The following CDC42 variants were observed in gnomAD, a reference collection of about 807,000 sequenced individuals.
CDC42 encodes the protein cell division cycle 42.
In CDC42, 1 loss-of-function variant was observed where a neutral mutation model predicts 20.8. The ratio of observed to expected loss-of-function variants is 0.05; its 90% CI spans 0.02 to 0.23. The LOEUF is 0.23. Ranked by LOEUF, CDC42 falls within the 10% of genes least tolerant of loss-of-function variation. The probability of loss-of-function intolerance (pLI) is 1.00; values close to 1 mark genes in which losing one functional copy is unlikely to be tolerated. For missense variants in CDC42, 49 were observed against 227.9 expected (o/e 0.21, Z 5.05); for synonymous variants, 72 against 84.8 (o/e 0.85, Z 0.83).
At chr1:22,058,433 C>A (rs1557891875) in intron 1 of CDC42, among the ~76,000 whole-genome samples, 1 of 151,696 alleles carries the variant, frequency 6.6e-6, no homozygotes, top group Non-Finnish European at 1.5e-5. Context: ...CTGCCTATTA[C>A]GTAGAATTGC....
At chr1:22,054,056 G>A (rs368759307) in intron 1 of CDC42, among the ~76,000 whole-genome samples, 3 of 152,108 alleles carry the variant, frequency 2.0e-5, no homozygotes, top group Admixed American at 6.6e-5. Flanking sequence ...TGATTCAAGT[G>A]CACTTTTTGT....
intron 1 of CDC42, among the ~76,000 whole-genome samples, chr1:22,077,952 C>T (rs985608841): frequency 6.6e-6 from 1 of 152,186 alleles, no homozygotes; most frequent in African/African-American, 2.4e-5. Context: ...GTGTGGTGCT[C>T]TGCTGCTTGT....
chr1:22,090,062 G>A, intron 5 of CDC42: 1 of 1,610,596 alleles, frequency 6.2e-7, no homozygotes, highest in Non-Finnish European at 8.5e-7. Context: ...CTTTGCTGCT[G>A]CTTCCTGTCC....
At chr1:22,088,631 G>T (rs917769515) in intron 5 of CDC42, among the ~76,000 whole-genome samples, 9 of 152,166 alleles carry the variant, frequency 5.9e-5, no homozygotes, top group Admixed American at 1.3e-4. Context: ...GATTAGTTTT[G>T]TTTCATAGAG....
intron 1 of CDC42, among the ~76,000 whole-genome samples, chr1:22,063,846 G>A (rs990740863): frequency 2.6e-5 from 4 of 151,880 alleles, no homozygotes; most frequent in Non-Finnish European, 4.4e-5. Flanking sequence ...TCAGCCTCCC[G>A]AGTAGCTGGG....
chr1:22,057,318 T>C (rs1569951349), intron 1 of CDC42, among the ~76,000 whole-genome samples: 2 of 152,346 alleles, frequency 1.3e-5, no homozygotes, highest in South Asian at 4.1e-4. Flanking sequence ...AGAAGCTGTG[T>C]TTCTCTCAAA....
intron 2 of CDC42, 39 bp downstream of exon 2, chr1:22,078,622 A>G (rs1315999597): frequency 6.4e-7 from 1 of 1,566,594 alleles, no homozygotes; most frequent in African/African-American, 1.4e-5. Flanking sequence ...AAAATGTTGT[A>G]AAATTTGATA....
intron 5 of CDC42, among the ~76,000 whole-genome samples, chr1:22,089,624 T>A (rs1257110273): frequency 6.6e-6 from 1 of 152,250 alleles, no homozygotes; most frequent in African/African-American, 2.4e-5. Flanking sequence ...GCTATTTGTG[T>A]CCTTCAGTTA....
At chr1:22,079,092 A>G (rs1163973624) in intron 2 of CDC42, among the ~76,000 whole-genome samples, 3 of 151,308 alleles carry the variant, frequency 2.0e-5, no homozygotes, top group Admixed American at 1.3e-4. Context: ...GAGAACACCA[A>G]CAGAGTCCTT....
chr1:22,059,195 G>A (rs1197109070), intron 1 of CDC42: 4 of 149,444 alleles, frequency 2.7e-5, no homozygotes, highest in Admixed American at 1.3e-4. Flanking sequence ...GCGCAATCTC[G>A]GCTCACCGCA....
chr1:22,085,000 G>A (rs1258229936), intron 3 of CDC42, among the ~76,000 whole-genome samples: 1 of 152,070 alleles, frequency 6.6e-6, no homozygotes, highest in African/African-American at 2.4e-5. Flanking sequence ...GGGAGGCTGA[G>A]GTGGGCAGAT....
intron 3 of CDC42, among the ~76,000 whole-genome samples, chr1:22,082,805 A>G (rs184499020): frequency 4.6e-5 from 7 of 152,254 alleles, no homozygotes; most frequent in Admixed American, 3.9e-4. Context: ...AGAGAAAACA[A>G]TGACCCATAA....
intron 1 of CDC42, among the ~76,000 whole-genome samples, chr1:22,067,116 T>G (rs147377469): frequency 1.3e-5 from 2 of 152,034 alleles, no homozygotes; most frequent in Admixed American, 1.3e-4. Flanking sequence ...GAACGGAGCA[T>G]GAGAAGGTTT....
Position 22,098,931 on chromosome 1 carries a change from G to T in CDC42, c.*7414G>T, listed in dbSNP as rs1362070051. On this transcript the variant is annotated 3_prime_UTR_variant, in exon 6 of 6. Transcript: ENST00000656825. ...GTGACACCACGCCTGGCTCATTTTT[G>T]CATTTTGTGTAGAGAGGGGGTTTTG... 6.6e-6 allele frequency among the ~76,000 whole-genome samples: 1 copy of T among 152,050 alleles called. No homozygotes were observed. Among genetic ancestry groups the T allele is most frequent in the African/African-American group, 2.4e-5 (1 of 41,408 alleles).
intron 1 of CDC42, among the ~76,000 whole-genome samples, chr1:22,061,465 G>A (rs1164569861): frequency 7.1e-6 from 1 of 141,484 alleles, no homozygotes; most frequent in Non-Finnish European, 1.5e-5. Context: ...AAATCATAAT[G>A]TATATAAGTT....
At chr1:22,088,415 C>T (rs989083991) in intron 5 of CDC42, among the ~76,000 whole-genome samples, 3 of 152,020 alleles carry the variant, frequency 2.0e-5, no homozygotes, top group Non-Finnish European at 2.9e-5. Context: ...ATAGTAAATC[C>T]GTTTGTAGAG....
intron 1 of CDC42, among the ~76,000 whole-genome samples, chr1:22,070,443 C>CTTTT (rs567184632): frequency 1.7e-5 from 1 of 60,370 alleles, no homozygotes; most frequent in Non-Finnish European, 2.9e-5. Flanking sequence ...GCCTTTGCCT[C>CTTTT]TTTTTTTTTT....
At chr1:22,058,121 A>AT (rs1230514718) in intron 1 of CDC42, among the ~76,000 whole-genome samples, 1 of 152,188 alleles carries the variant, frequency 6.6e-6, no homozygotes, top group East Asian at 1.9e-4. Flanking sequence ...ACCCATCAGC[A>AT]TAAGTGTCAC....
chr1:22,065,336 A>G (rs1211962732), intron 1 of CDC42, among the ~76,000 whole-genome samples: 1 of 152,196 alleles, frequency 6.6e-6, no homozygotes, highest in East Asian at 1.9e-4. Context: ...TCTCTTGGCT[A>G]CAAATGTGAC....
Sources: gnomAD v4.1 joint callset for allele counts (sites outside exome capture counted in the v4.1 genomes callset) on GRCh38, gnomAD v4.1.1 for gene constraint, MANE v1.5 for transcripts, NCBI Gene and HGNC (gene_info 2026-07-23, HGNC 2026-07-21) for gene names.